The following VWCE variants were observed in gnomAD, a reference collection of about 807,000 sequenced individuals.
VWCE encodes von Willebrand factor C and EGF domains, also known as von Willebrand factor C and EGF domain-containing protein.
Under a neutral mutation model 102.9 loss-of-function variants are expected in VWCE, and 68 were observed. The observed-to-expected ratio is 0.66, with a 90% confidence interval of 0.54 to 0.81. The LOEUF (loss-of-function observed/expected upper bound fraction) is 0.81, where lower values mean the gene tolerates loss of function less well. Among genes scored for constraint, VWCE ranks in the 30% least tolerant of loss-of-function variants. VWCE has a pLI of 0.00. For synonymous variants in VWCE, 497 were observed against 515.4 expected (o/e 0.96, Z 0.48); for missense variants, 1,137 against 1,263.6 (o/e 0.90, Z 1.52).
chr11:61,262,649 G>A (rs770277255), intron 19 of VWCE, among the ~76,000 whole-genome samples: 8 of 152,228 alleles, frequency 5.3e-5, no homozygotes, highest in South Asian at 4.1e-4. Context: ...TATTCCTGGC[G>A]CCACCCGCCC....
At chr11:61,285,488 T>C (rs905344886) in intron 5 of VWCE, among the ~76,000 whole-genome samples, 2 of 151,968 alleles carry the variant, frequency 1.3e-5, no homozygotes, top group African/African-American at 2.4e-5. Context: ...GTTCTTCTGC[T>C]CCCCATCAGA....
At chr11:61,287,267 A>T (rs1855364464) in intron 4 of VWCE, among the ~76,000 whole-genome samples, 1 of 152,122 alleles carries the variant, frequency 6.6e-6, no homozygotes, top group Admixed American at 6.6e-5. Flanking sequence ...AGACACCAGG[A>T]AGGTCACTGG....
At chr11:61,285,481 C>G (rs1027846782) in intron 5 of VWCE, among the ~76,000 whole-genome samples, 49 of 152,134 alleles carry the variant, frequency 3.2e-4, no homozygotes, top group Non-Finnish European at 7.4e-5. Context: ...TAAGCTTGTT[C>G]TTCTGCTCCC....
chr11:61,276,353 T>C (rs1036084133), intron 11 of VWCE, among the ~76,000 whole-genome samples: 6 of 150,954 alleles, frequency 4.0e-5, no homozygotes, highest in African/African-American at 1.5e-4. Flanking sequence ...AGGCGGAGGT[T>C]GCAGTGAGCT....
chr11:61,272,767 ACACT>A (rs1854761461), intron 13 of VWCE, among the ~76,000 whole-genome samples: 1 of 152,006 alleles, frequency 6.6e-6, no homozygotes, highest in Non-Finnish European at 1.5e-5. Context: ...TCACGCAGAC[ACACT>A]CATACAAACA....
Position 61,259,387 on chromosome 11 carries a change from C to A in VWCE, c.2231-75G>T, listed in dbSNP as rs117755019. On this transcript the variant is annotated intron_variant, in intron 19 of 19. Transcript: ENST00000335613. ...CAAGGTGGCTCTGGGACAAGGTATA[C>A]CAGGGACACCCAAGCTCTGTCCTCA... 7,207 of 1,497,844 alleles carry A rather than the reference C, an allele frequency of 4.8e-3. 30 individuals carry two copies. Among genetic ancestry groups the A allele is most frequent in the Middle Eastern group, 7.9e-3 (36 of 4,530 alleles). 92.8% of individuals were successfully genotyped at this position (1,497,844 alleles called of 1,614,324 possible). A position where few individuals can be genotyped will look rare whatever the true frequency, so the allele number is the denominator to read the frequency against.
Position 61,280,611 on chromosome 11 carries a change from C to T in VWCE, c.1324+13G>A. On this transcript the variant is annotated intron_variant, in intron 9 of 19. Transcript: ENST00000335613. ...GAGGCAGGACTATGTCCTTCCCTGG[C>T]ACCAGCTCTCACCTGTGCACGATGG... 6 of 1,613,530 alleles carry T rather than the reference C, an allele frequency of 3.7e-6. No homozygotes were observed. The highest frequency in any genetic ancestry group is 5.1e-6 in the Non-Finnish European group (6 of 1,179,762).
chr11:61,268,346 G>A (rs992072663), intron 15 of VWCE, among the ~76,000 whole-genome samples: 3 of 152,134 alleles, frequency 2.0e-5, no homozygotes, highest in Non-Finnish European at 4.4e-5. Context: ...CTGAGGTTAG[G>A]AGATCGAGAC....
chr11:61,282,768 A>G (rs767227247), intron 6 of VWCE, 21 bp downstream of exon 6: 1 of 1,604,638 alleles, frequency 6.2e-7, no homozygotes, highest in Non-Finnish European at 8.5e-7. Context: ...TGTGCAGACC[A>G]CAGGGTCCTC....
Position 61,271,711 on chromosome 11 carries a change from C to T in VWCE, c.1749G>A (p.Trp583Ter). The change falls in exon 14 of 20, where the codon TGG becomes TGA. Residue 583 changes from tryptophan to a stop codon, truncating the protein, a stop_gained. Coordinates refer to ENST00000335613, the MANE Select transcript of VWCE (RefSeq NM_152718.2). LOFTEE classifies it high-confidence loss of function. Reference sequence around the variant, plus strand: ...ATAACTCACAGGGGTCACCAGGCGACCAGATCTGTCCAATCGGAAACTCAA... The same window carrying T: ...ATAACTCACAGGGGTCACCAGGCGATCAGATCTGTCCAATCGGAAACTCAA... Reference protein sequence around the residue: ...NGVEFPIGQIWSPGDPCELCI... With the variant: ...NGVEFPIGQI The T allele has an allele frequency of 6.2e-7, 1 of 1,613,656 alleles. No individual in the cohort carries two copies. The highest frequency in any genetic ancestry group is 8.5e-7 in the Non-Finnish European group (1 of 1,179,798).
intron 6 of VWCE, 80 bp downstream of exon 6, chr11:61,282,709 T>G: frequency 1.7e-6 from 2 of 1,177,946 alleles, no homozygotes; most frequent in Non-Finnish European, 2.5e-6. Flanking sequence ...ATTGTTAACC[T>G]TCCCGGGTCC....
Position 61,270,714 on chromosome 11 carries a change from GC to G in VWCE, c.1785+960del, listed in dbSNP as rs111402237. On this transcript the variant is annotated intron_variant, in intron 14 of 19. Transcript: ENST00000335613. Reference sequence around the variant, plus strand: ...AACAGCCTGAACAACTGGGTCTCAGGCTACCCCACTCCCTCAGTTATCCATG... The same window carrying G: ...AACAGCCTGAACAACTGGGTCTCAGGTACCCCACTCCCTCAGTTATCCATG... Among the ~76,000 whole-genome samples the G allele has an allele frequency of 4.6e-5, 7 of 152,118 alleles. 1 individual carries two copies. The highest frequency in any genetic ancestry group is 1.7e-4 in the African/African-American group (7 of 41,496).
At chr11:61,267,656 T>TC in intron 15 of VWCE, 112 bp from the exon 16 acceptor site, 2 of 936,976 alleles carry the variant, frequency 2.1e-6, no homozygotes, top group East Asian at 4.9e-5. Context: ...GCCATGTGCC[T>TC]CCCCAGGCAG....
chr11:61,276,806 G>C, intron 10 of VWCE, 126 bp from the exon 11 acceptor site: 1 of 396,910 alleles, frequency 2.5e-6, no homozygotes, highest in Non-Finnish European at 3.9e-6. Context: ...TTTAAAGGCT[G>C]CACCCCAGCC....
intron 12 of VWCE, 50 bp from the exon 13 acceptor site, chr11:61,273,366 G>T: frequency 1.3e-6 from 2 of 1,529,174 alleles, no homozygotes; most frequent in Non-Finnish European, 1.8e-6. Flanking sequence ...CCTGCCTGGG[G>T]ACCATGGAGA....
In VWCE at chr11:61,258,408, C is replaced by T; in HGVS notation, c.*267G>A. ...TCTTCCTCCAGGAGAACTTGGCAGT[C>T]CCAACCCTTCTCAAAAGATGAGCCA... On this transcript the variant is annotated 3_prime_UTR_variant, in exon 20 of 20. Coordinates refer to ENST00000335613, the MANE Select transcript of VWCE (RefSeq NM_152718.2). The T allele has an allele frequency of 6.1e-6, 2 of 328,820 alleles. No individual in the cohort carries two copies. The highest frequency in any genetic ancestry group is 5.5e-6 in the Non-Finnish European group (1 of 183,262). The allele number at this position is 328,820 out of a possible 1,614,324, so 20.4% of individuals were successfully genotyped here. A position where few individuals can be genotyped will look rare whatever the true frequency, so the allele number is the denominator to read the frequency against.
At chr11:61,266,539 C>A (rs182937997) in intron 16 of VWCE, among the ~76,000 whole-genome samples, 1 of 151,856 alleles carries the variant, frequency 6.6e-6, no homozygotes, top group Non-Finnish European at 1.5e-5. Flanking sequence ...CAGAGCAACA[C>A]CCTGTCTCAA....
intron 6 of VWCE, among the ~76,000 whole-genome samples, chr11:61,282,251 G>A (rs1485503373): frequency 1.3e-5 from 2 of 152,052 alleles, no homozygotes; most frequent in South Asian, 4.1e-4. Context: ...TTTTCTTTCC[G>A]AAAAAAGTCT....
chr11:61,294,272 C>G lies in VWCE; in HGVS notation c.110+656G>C, dbSNP rs1205715005. ...CCGGGCCGCCCCCGCTGCGCGCCCC[C>G]CGGAGGACGTGGCCGCGGGCCAGGC... is the stretch of plus-strand genomic sequence containing the variant. On this transcript the variant is annotated intron_variant, in intron 1 of 19. Transcript: ENST00000335613. This position sits in a 1 kb window ranked among gnomAD's most constrained non-coding sequence, Gnocchi z 6.3. 6.6e-6 allele frequency among the ~76,000 whole-genome samples: 1 copy of G among 152,166 alleles called. No individual in the cohort carries two copies. Among genetic ancestry groups the G allele is most frequent in the East Asian group, 1.9e-4 (1 of 5,178 alleles).
Sources: gnomAD v4.1 joint callset for allele counts (sites outside exome capture counted in the v4.1 genomes callset) on GRCh38, gnomAD v4.1.1 for gene constraint, Gnocchi (gnomAD v3.1) non-coding constraint, MANE v1.5 for transcripts, NCBI Gene and HGNC (gene_info 2026-07-23, HGNC 2026-07-21) for gene names.